The following AZIN2 variants were observed in gnomAD, a reference collection of about 807,000 sequenced individuals.
AZIN2 encodes the protein antizyme inhibitor 2, also known as ODC antizyme inhibitor-2.
AZIN2 carries 28 observed loss-of-function variants against 47.8 expected under a neutral mutation model. The observed-to-expected ratio is 0.59, with a 90% CI of 0.43 to 0.80. The LOEUF (loss-of-function observed/expected upper bound fraction) is 0.80. Ranked by LOEUF, AZIN2 falls within the 30% of genes least tolerant of loss-of-function variation. The pLI, the probability that AZIN2 is intolerant of heterozygous loss-of-function variation, is 0.00. For synonymous variants in AZIN2, 221 were observed against 239.4 expected (o/e 0.92, Z 0.71); for missense variants, 535 against 582.5 (o/e 0.92, Z 0.84).
At chr1:33,150,458 G>T in the AZIN2 span, among the ~76,000 whole-genome samples, 1 of 152,222 alleles carries the variant, frequency 6.6e-6, no homozygotes, top group South Asian at 2.1e-4. Flanking sequence ...CATGATCTTT[G>T]CCAGGAGTAA....
the AZIN2 span, chr1:33,146,070 C>A: frequency 1.1e-5 from 4 of 352,064 alleles, no homozygotes; most frequent in Non-Finnish European, 2.3e-5. Flanking sequence ...TGGCTTCCTG[C>A]AGATGGGGGC....
intron 11 of AZIN2, 144 bp downstream of exon 11, chr1:33,118,260 G>C (rs1644656028): frequency 2.2e-6 from 2 of 909,298 alleles, no homozygotes; most frequent in Admixed American, 3.5e-5. Flanking sequence ...GATGTGCTTG[G>C]CACCTGGCTG....
downstream of AZIN2, among the ~76,000 whole-genome samples, chr1:33,125,803 G>T (rs1168667654): frequency 6.6e-6 from 1 of 151,960 alleles, no homozygotes; most frequent in Non-Finnish European, 1.5e-5. Context: ...TCTCTGCATA[G>T]ATCTCTCTCC....
At chr1:33,089,094 T>C (rs1642248027) in intron 5 of AZIN2, among the ~76,000 whole-genome samples, 1 of 152,144 alleles carries the variant, frequency 6.6e-6, no homozygotes. Flanking sequence ...AGCAGTGAGG[T>C]TAAGAGCTGG....
the AZIN2 span, chr1:33,147,616 G>A: frequency 1.9e-6 from 3 of 1,614,124 alleles, no homozygotes; most frequent in Non-Finnish European, 1.7e-6. This position sits in a 1 kb window ranked among gnomAD's most constrained non-coding sequence, Gnocchi z 8.1. Flanking sequence ...GCGCTTTGGC[G>A]AGTCCTGCAG....
At chr1:33,141,495 A>G in the AZIN2 span, among the ~76,000 whole-genome samples, 1 of 152,144 alleles carries the variant, frequency 6.6e-6, no homozygotes, top group African/African-American at 2.4e-5. Flanking sequence ...CCCTTCCAGC[A>G]TTCAGATTCG....
chr1:33,140,859 A>G, the AZIN2 span, among the ~76,000 whole-genome samples: 3 of 152,188 alleles, frequency 2.0e-5, no homozygotes, highest in Non-Finnish European at 1.5e-5. The surrounding 1 kb of genome is among the most constrained non-coding windows in gnomAD (Gnocchi z 4.0). Flanking sequence ...GGGTTGTTGG[A>G]ACCCTCCTCT....
At chr1:33,125,036 AGTAAT>A (rs936803439), downstream of AZIN2, among the ~76,000 whole-genome samples, 1 of 152,216 alleles carries the variant, frequency 6.6e-6, no homozygotes, top group African/African-American at 2.4e-5. Context: ...GTATATACCC[AGTAAT>A]GGGATCCAAC....
chr1:33,129,183 G>T, the AZIN2 span, among the ~76,000 whole-genome samples: 2 of 152,142 alleles, frequency 1.3e-5, no homozygotes, highest in Non-Finnish European at 2.9e-5. The surrounding 1 kb of genome is among the most constrained non-coding windows in gnomAD (Gnocchi z 4.1). Flanking sequence ...GGCATATTAC[G>T]AAGAAGTGAT....
chr1:33,126,188 C>T (rs1338116282), downstream of AZIN2, among the ~76,000 whole-genome samples: 1 of 152,138 alleles, frequency 6.6e-6, no homozygotes, highest in Non-Finnish European at 1.5e-5. Flanking sequence ...GAATACTGTC[C>T]TTCATGTAGA....
At chr1:33,156,105 T>C in the AZIN2 span, among the ~76,000 whole-genome samples, 1 of 152,214 alleles carries the variant, frequency 6.6e-6, no homozygotes, top group Admixed American at 6.5e-5. Flanking sequence ...CTCTCAGCCA[T>C]GCAGCAGATC....
At chr1:33,112,268 A>G (rs1644320988) in intron 10 of AZIN2, among the ~76,000 whole-genome samples, 1 of 152,196 alleles carries the variant, frequency 6.6e-6, no homozygotes, top group African/African-American at 2.4e-5. Context: ...TCCTAGGCCT[A>G]TATTGTAAAG....
intron 7 of AZIN2, among the ~76,000 whole-genome samples, chr1:33,093,879 C>T (rs369264283): frequency 3.3e-5 from 5 of 151,958 alleles, no homozygotes; most frequent in East Asian, 1.9e-4. Flanking sequence ...TGACCACAGG[C>T]GTGCATTACC....
the AZIN2 span, among the ~76,000 whole-genome samples, chr1:33,141,084 CTCA>C: frequency 6.6e-6 from 1 of 152,122 alleles, no homozygotes; most frequent in Non-Finnish European, 1.5e-5. Flanking sequence ...TCAGGGGTCT[CTCA>C]TCAGCCATGT....
At chr1:33,159,558 G>A in the AZIN2 span, 25 of 1,344,912 alleles carry the variant, frequency 1.9e-5, no homozygotes, top group Non-Finnish European at 2.2e-5. The surrounding 1 kb of genome is among the most constrained non-coding windows in gnomAD (Gnocchi z 4.2). Context: ...CAGATGTCCC[G>A]TAAATGTTTG....
chr1:33,129,519 T>G, the AZIN2 span, among the ~76,000 whole-genome samples: 2 of 152,230 alleles, frequency 1.3e-5, no homozygotes, highest in South Asian at 4.1e-4. This position sits in a 1 kb window ranked among gnomAD's most constrained non-coding sequence, Gnocchi z 4.1. Context: ...GGGATGAGTG[T>G]TACATATATG....
intron 8 of AZIN2, among the ~76,000 whole-genome samples, chr1:33,096,105 T>C (rs1420841801): frequency 6.6e-6 from 1 of 152,224 alleles, no homozygotes; most frequent in African/African-American, 2.4e-5. Flanking sequence ...CCCAAAGTTC[T>C]GGGATTACAG....
At chr1:33,090,344 A>G (rs1169438272) in intron 5 of AZIN2, among the ~76,000 whole-genome samples, 1 of 152,126 alleles carries the variant, frequency 6.6e-6, no homozygotes, top group East Asian at 1.9e-4. Context: ...TGCTGTCGTC[A>G]TCATCATCAT....
rs139284975 is a variant in AZIN2, at chr1:33,099,448, C to T, written c.1029+1269C>T. Among the ~76,000 whole-genome samples, 105 of 152,354 alleles carry T rather than the reference C, an allele frequency of 6.9e-4. No homozygotes were observed. In the East Asian group the frequency reaches 0.017, roughly 25 times the overall value. Reference sequence around the variant, plus strand: ...AGCATTGCCTGCATTCTTGTGGTAGCCCACATCCTACTGCACTGAGAAGGG... The same window carrying T: ...AGCATTGCCTGCATTCTTGTGGTAGTCCACATCCTACTGCACTGAGAAGGG... On this transcript the variant is annotated intron_variant, in intron 10 of 11. Transcript: ENST00000294517.
Sources: allele counts gnomAD v4.1 joint callset (sites outside exome capture counted in the v4.1 genomes callset), GRCh38; gene constraint gnomAD v4.1.1; non-coding constraint Gnocchi (gnomAD v3.1); transcripts MANE v1.5; gene names NCBI Gene and HGNC (gene_info 2026-07-23, HGNC 2026-07-21).